Variants in PABPC4L observed in about 807,000 individuals in gnomAD.
PABPC4L encodes the protein polyadenylate-binding protein 4-like.
For synonymous variants in PABPC4L, 169 were observed against 164.1 expected (o/e 1.03, Z -0.23); for missense variants, 452 against 451.4 (o/e 1.00, Z -0.01).
At chr4:134,109,395 T>A in the PABPC4L span, among the ~76,000 whole-genome samples, 1 of 151,612 alleles carries the variant, frequency 6.6e-6, no homozygotes, top group African/African-American at 2.4e-5. Flanking sequence ...AAAGAAAAAT[T>A]AAAGATAGGC....
At chr4:134,015,692 T>G in the PABPC4L span, among the ~76,000 whole-genome samples, 2 of 152,080 alleles carry the variant, frequency 1.3e-5, no homozygotes, top group Non-Finnish European at 2.9e-5. Flanking sequence ...ACAACTCCTT[T>G]CCTTCCTAGG....
chr4:134,111,367 T>A, the PABPC4L span, among the ~76,000 whole-genome samples: 2 of 151,956 alleles, frequency 1.3e-5, no homozygotes, highest in Non-Finnish European at 2.9e-5. Flanking sequence ...GAAAAAAACA[T>A]TCAAACGATA....
chr4:134,057,214 C>G, the PABPC4L span, among the ~76,000 whole-genome samples: 1 of 152,052 alleles, frequency 6.6e-6, no homozygotes, highest in Non-Finnish European at 1.5e-5. Context: ...GTTATATCTT[C>G]TGTTATAGTC....
the PABPC4L span, among the ~76,000 whole-genome samples, chr4:133,958,075 C>G: frequency 6.6e-6 from 1 of 152,192 alleles, no homozygotes; most frequent in Non-Finnish European, 1.5e-5. Flanking sequence ...ATTTATGCAG[C>G]CTGCTTGAAT....
the PABPC4L span, among the ~76,000 whole-genome samples, chr4:134,181,093 C>G: frequency 6.6e-6 from 1 of 151,722 alleles, no homozygotes; most frequent in Non-Finnish European, 1.5e-5. Context: ...TTCAATATTC[C>G]TCATGAACAT....
chr4:134,158,575 A>G, the PABPC4L span, among the ~76,000 whole-genome samples: 1 of 152,146 alleles, frequency 6.6e-6, no homozygotes, highest in East Asian at 1.9e-4. Flanking sequence ...CATTACAGAT[A>G]AAAAGGCTGA....
At chr4:133,961,821 C>A in the PABPC4L span, among the ~76,000 whole-genome samples, 1 of 152,170 alleles carries the variant, frequency 6.6e-6, no homozygotes, top group African/African-American at 2.4e-5. Context: ...ATGTCCATTG[C>A]CGCTCCCAAT....
chr4:133,970,184 T>A, the PABPC4L span, among the ~76,000 whole-genome samples: 1 of 151,680 alleles, frequency 6.6e-6, no homozygotes, highest in Non-Finnish European at 1.5e-5. Context: ...ATCACGCCTC[T>A]CCTTTCTTGA....
At chr4:134,027,712 T>G in the PABPC4L span, among the ~76,000 whole-genome samples, 3 of 152,176 alleles carry the variant, frequency 2.0e-5, no homozygotes, top group Non-Finnish European at 2.9e-5. Context: ...GTTAATAGTT[T>G]GATTTAATTA....
the PABPC4L span, among the ~76,000 whole-genome samples, chr4:133,981,458 G>A: frequency 6.6e-6 from 1 of 151,928 alleles, no homozygotes; most frequent in African/African-American, 2.4e-5. Context: ...AAATAGATGT[G>A]CTCAATTAAA....
chr4:134,010,543 A>G, the PABPC4L span: 8 of 152,104 alleles, frequency 5.3e-5, no homozygotes, highest in Admixed American at 3.9e-4. Flanking sequence ...CCCTTTCATA[A>G]TAGTAGGGAT....
chr4:134,077,104 T>A, the PABPC4L span, among the ~76,000 whole-genome samples: 1 of 152,300 alleles, frequency 6.6e-6, no homozygotes, highest in Admixed American at 6.5e-5. Flanking sequence ...TCTTCTATTG[T>A]GCTTAAATTG....
At chr4:134,074,584 T>G in the PABPC4L span, among the ~76,000 whole-genome samples, 1 of 152,108 alleles carries the variant, frequency 6.6e-6, no homozygotes, top group Non-Finnish European at 1.5e-5. Flanking sequence ...ACAGCTCCAC[T>G]GCTCCTAGTA....
At chr4:133,983,869 T>C in the PABPC4L span, among the ~76,000 whole-genome samples, 1 of 151,862 alleles carries the variant, frequency 6.6e-6, no homozygotes, top group South Asian at 2.1e-4. Flanking sequence ...TATTTACAAT[T>C]ACCTGAATAA....
At chr4:134,098,661 G>A in the PABPC4L span, among the ~76,000 whole-genome samples, 1 of 151,626 alleles carries the variant, frequency 6.6e-6, no homozygotes, top group Non-Finnish European at 1.5e-5. Flanking sequence ...CATATAGTTG[G>A]TATGTAAGCT....
At chr4:134,014,151 C>CTTTTCTTGACCCTAAAAGGTCAAAAG in the PABPC4L span, among the ~76,000 whole-genome samples, 4 of 152,064 alleles carry the variant, frequency 2.6e-5, no homozygotes, top group Non-Finnish European at 4.4e-5. Flanking sequence ...GTCAAAAGGC[C>CTTTTCTTGACCCTAAAAGGTCAAAAG]GTCTTATTCT....
the PABPC4L span, among the ~76,000 whole-genome samples, chr4:134,030,418 T>C: frequency 1.3e-5 from 2 of 152,118 alleles, no homozygotes; most frequent in Non-Finnish European, 2.9e-5. Flanking sequence ...GATTTGGCTT[T>C]ATTTTGTCAG....
At chr4:133,974,644 A>C in the PABPC4L span, among the ~76,000 whole-genome samples, 35 of 152,166 alleles carry the variant, frequency 2.3e-4, 1 homozygote, top group Admixed American at 2.3e-3. Flanking sequence ...ACTTGAATAC[A>C]GACTATAAAT....
the PABPC4L span, among the ~76,000 whole-genome samples, chr4:134,036,383 T>A: frequency 6.6e-6 from 1 of 152,240 alleles, no homozygotes; most frequent in Non-Finnish European, 1.5e-5. Flanking sequence ...TCAACTTTGC[T>A]GCATACCAAG....
Sources: gnomAD v4.1 joint callset for allele counts (sites outside exome capture counted in the v4.1 genomes callset) on GRCh38, gnomAD v4.1.1 for gene constraint, MANE v1.5 for transcripts, NCBI Gene and HGNC (gene_info 2026-07-23, HGNC 2026-07-21) for gene names.